Variants in CELF4 observed in about 807,000 individuals in gnomAD.
CELF4 encodes the protein CUGBP Elav-like family member 4.
CELF4 carries 18 observed loss-of-function variants against 59.9 expected under a neutral mutation model. The ratio of observed to expected loss-of-function variants is 0.30; its 90% CI spans 0.21 to 0.45. The LOEUF is 0.45. CELF4 is among the 20% of genes least tolerant of loss of function. CELF4 has a pLI of 1.00. For missense variants in CELF4, 456 were observed against 689.0 expected, an observed-to-expected ratio of 0.66 and a Z score of 3.79; for synonymous variants, 261 against 267.1, an observed-to-expected ratio of 0.98 and a Z score of 0.22.
chr18:37,446,146 T>C (rs1443096578), intron 2 of CELF4, among the ~76,000 whole-genome samples: 1 of 152,112 alleles, frequency 6.6e-6, no homozygotes, highest in Non-Finnish European at 1.5e-5. Context: ...CGGACTAACG[T>C]GGGTGGTGGG....
At chr18:37,542,162 G>A (rs1285050242) in intron 1 of CELF4, among the ~76,000 whole-genome samples, 1 of 152,142 alleles carries the variant, frequency 6.6e-6, no homozygotes, top group Non-Finnish European at 1.5e-5. Context: ...TGGCTCTTGT[G>A]TACGAATTGC....
chr18:37,303,084 G>C (rs2096174648), intron 3 of CELF4, among the ~76,000 whole-genome samples: 1 of 152,166 alleles, frequency 6.6e-6, no homozygotes, highest in African/African-American at 2.4e-5. Context: ...GAGAGGAGAA[G>C]GAACAGGCAT....
intron 1 of CELF4, among the ~76,000 whole-genome samples, chr18:37,553,880 AGT>A (rs977549041): frequency 6.6e-6 from 1 of 152,156 alleles, no homozygotes; most frequent in Non-Finnish European, 1.5e-5. Flanking sequence ...TGGGGCCCGC[AGT>A]GTGTGTGTAA....
At chr18:37,358,823 C>A (rs1467475045) in intron 2 of CELF4, among the ~76,000 whole-genome samples, 2 of 86 alleles carry the variant, frequency 0.023, no homozygotes, top group Non-Finnish European at 0.05. Flanking sequence ...TGTCAAGAGG[C>A]TGGGCATGGG....
At chr18:37,336,135 C>T (rs2097763432) in intron 2 of CELF4, among the ~76,000 whole-genome samples, 1 of 152,208 alleles carries the variant, frequency 6.6e-6, no homozygotes, top group African/African-American at 2.4e-5. Context: ...TGGCCACATG[C>T]CCCACAGCCA....
chr18:37,297,954 G>T (rs2095763379), intron 3 of CELF4, among the ~76,000 whole-genome samples: 1 of 152,248 alleles, frequency 6.6e-6, no homozygotes, highest in Non-Finnish European at 1.5e-5. Flanking sequence ...TTGGGTGTTT[G>T]GGAAGCAGGA....
chr18:37,487,017 C>T (rs939041536), intron 1 of CELF4, among the ~76,000 whole-genome samples: 4 of 152,200 alleles, frequency 2.6e-5, no homozygotes, highest in East Asian at 3.9e-4. Flanking sequence ...CCTGAGTGCT[C>T]GCTCTGTGCC....
intron 2 of CELF4, among the ~76,000 whole-genome samples, chr18:37,476,663 C>T (rs1234772877): frequency 1.3e-5 from 2 of 152,206 alleles, no homozygotes; most frequent in African/African-American, 4.8e-5. Flanking sequence ...TCTGCTCGCC[C>T]ACACACATGC....
chr18:37,302,810 G>C (rs2096148240), intron 3 of CELF4, among the ~76,000 whole-genome samples: 1 of 152,198 alleles, frequency 6.6e-6, no homozygotes. Context: ...CGGGGAGCAG[G>C]CAGGCTGGCT....
At chr18:37,409,179 A>T (rs1332377872) in intron 2 of CELF4, among the ~76,000 whole-genome samples, 2 of 152,224 alleles carry the variant, frequency 1.3e-5, no homozygotes, top group African/African-American at 2.4e-5. Flanking sequence ...CCACATGAAT[A>T]AACACTTTCC....
In CELF4 at chr18:37,341,169, C is replaced by A. The variant is rs1008505823; in HGVS notation, c.370-19288G>T. On this transcript the variant is annotated intron_variant, in intron 2 of 12. Coordinates refer to ENST00000420428, the MANE Select transcript of CELF4 (RefSeq NM_020180.4). ...TACCATGTGCAGGAAATGGATTCAT[C>A]ATGGTTTGAATAACCAGGCTCCATG... 2.0e-5 allele frequency among the ~76,000 whole-genome samples: 3 copies of A among 152,324 alleles called. No individual in the cohort carries two copies. In the East Asian group the frequency reaches 5.8e-4, roughly 29 times the overall value.
intron 3 of CELF4, among the ~76,000 whole-genome samples, chr18:37,307,877 A>G (rs2096494297): frequency 6.6e-6 from 1 of 152,186 alleles, no homozygotes; most frequent in South Asian, 2.1e-4. Context: ...TGGACAAAGC[A>G]TTGCAGTGGG....
At chr18:37,385,926 T>A (rs2099094383) in intron 2 of CELF4, among the ~76,000 whole-genome samples, 1 of 152,280 alleles carries the variant, frequency 6.6e-6, no homozygotes, top group Non-Finnish European at 1.5e-5. Flanking sequence ...TTTCAGATAC[T>A]ACACTCATAG....
chr18:37,418,744 G>C (rs1196623161), intron 2 of CELF4, among the ~76,000 whole-genome samples: 1 of 152,230 alleles, frequency 6.6e-6, no homozygotes, highest in Non-Finnish European at 1.5e-5. Context: ...TCAGACAGGA[G>C]GAAGATCATT....
intron 3 of CELF4, among the ~76,000 whole-genome samples, chr18:37,295,958 C>G (rs2095616280): frequency 6.6e-6 from 1 of 152,182 alleles, no homozygotes; most frequent in East Asian, 1.9e-4. Flanking sequence ...TGGTGCATCC[C>G]ACTCAGCTGG....
intron 3 of CELF4, among the ~76,000 whole-genome samples, chr18:37,317,735 T>C (rs1476076988): frequency 1.3e-5 from 2 of 152,156 alleles, no homozygotes; most frequent in Non-Finnish European, 2.9e-5. Flanking sequence ...CTGCTCCTGA[T>C]AGGACAGTGG....
intron 1 of CELF4, among the ~76,000 whole-genome samples, chr18:37,558,919 C>T (rs1345519410): frequency 6.6e-6 from 1 of 151,818 alleles, no homozygotes; most frequent in African/African-American, 2.4e-5. Context: ...TTAGCTGCGG[C>T]TGGCCACTCG....
At chr18:37,515,641 G>T (rs140673041) in intron 1 of CELF4, among the ~76,000 whole-genome samples, 1 of 152,214 alleles carries the variant, frequency 6.6e-6, no homozygotes, top group Non-Finnish European at 1.5e-5. Flanking sequence ...AGACCCACCC[G>T]AGGGATGGTA....
At chr18:37,439,195 A>G (rs1406020938) in intron 2 of CELF4, among the ~76,000 whole-genome samples, 1 of 152,184 alleles carries the variant, frequency 6.6e-6, no homozygotes, top group Non-Finnish European at 1.5e-5. Flanking sequence ...GGCTGCAGTT[A>G]GTACTGGAGT....
Sources: gnomAD v4.1 joint callset for allele counts (sites outside exome capture counted in the v4.1 genomes callset) on GRCh38, gnomAD v4.1.1 for gene constraint, MANE v1.5 for transcripts, NCBI Gene and HGNC (gene_info 2026-07-23, HGNC 2026-07-21) for gene names.